VSTM2B: variants seen among roughly 807,000 people sequenced by gnomAD.
The protein encoded by VSTM2B is V-set and transmembrane domain-containing protein 2B.
A neutral mutation model predicts 24.0 loss-of-function variants in VSTM2B; 24 were observed. The ratio of observed to expected loss-of-function variants is 1.00; its 90% CI spans 0.72 to 1.40. The LOEUF (loss-of-function observed/expected upper bound fraction) is 1.40. Ranked by LOEUF, VSTM2B falls within the 40% of genes most tolerant of loss-of-function variation. The probability of loss-of-function intolerance (pLI) is 0.00; values close to 1 mark genes in which losing one functional copy is unlikely to be tolerated. For missense variants in VSTM2B, 399 were observed against 416.4 expected (o/e 0.96, Z 0.36); for synonymous variants, 226 against 194.4 (o/e 1.16, Z -1.35).
intron 4 of VSTM2B, among the ~76,000 whole-genome samples, chr19:29,558,260 T>A (rs925731184): frequency 6.6e-6 from 1 of 152,166 alleles, no homozygotes. Context: ...ACAGTGTTGG[T>A]GGGAATATAA....
intron 4 of VSTM2B, among the ~76,000 whole-genome samples, chr19:29,548,953 C>G (rs1212855984): frequency 6.6e-6 from 1 of 152,180 alleles, no homozygotes; most frequent in African/African-American, 2.4e-5. Context: ...CACCCTGGGC[C>G]CAGGCTGGTG....
At chr19:29,559,024 T>C (rs1011289874) in intron 4 of VSTM2B, among the ~76,000 whole-genome samples, 7 of 152,134 alleles carry the variant, frequency 4.6e-5, no homozygotes, top group Non-Finnish European at 4.4e-5. Flanking sequence ...GGAGTGTAAA[T>C]TAGCTCAACC....
intron 4 of VSTM2B, among the ~76,000 whole-genome samples, chr19:29,540,689 G>A (rs941301512): frequency 3.3e-5 from 5 of 152,290 alleles, no homozygotes; most frequent in Admixed American, 2.6e-4. Context: ...TGTCCATGGA[G>A]CATTTTTTTA....
Position 29,527,077 on chromosome 19 carries a change from G to C in VSTM2B, c.83-134G>C, listed in dbSNP as rs1038265785. 13 of 800,876 alleles carry C rather than the reference G, an allele frequency of 1.6e-5. 1 individual carries two copies. Among genetic ancestry groups the C allele is most frequent in the Non-Finnish European group, 2.5e-5 (13 of 517,244 alleles). 49.6% of individuals were successfully genotyped at this position (800,876 alleles called of 1,614,324 possible). A position where few individuals can be genotyped will look rare whatever the true frequency, so the allele number is the denominator to read the frequency against. ...TTCCCCGAACTTTGCTAGCCCCTCC[G>C]GCCGTGCGCCAGGGAGCAGCTGCGG... On this transcript the variant is annotated intron_variant, in intron 1 of 4. Coordinates refer to ENST00000335523, the MANE Select transcript of VSTM2B (RefSeq NM_001146339.2).
At chr19:29,552,852 G>A (rs756599529) in intron 4 of VSTM2B, among the ~76,000 whole-genome samples, 1 of 152,178 alleles carries the variant, frequency 6.6e-6, no homozygotes. Flanking sequence ...GCAGATCAAG[G>A]TCAGACTGCC....
At position 29,563,966 on chromosome 19, in the gene VSTM2B, C is replaced by G. The variant is rs113111915; in HGVS notation, c.*32C>G. 2 of 1,536,508 alleles carry G rather than the reference C, an allele frequency of 1.3e-6. No homozygotes were observed. The highest frequency in any genetic ancestry group is 1.8e-6 in the Non-Finnish European group (2 of 1,132,922). On this transcript the variant is annotated 3_prime_UTR_variant, in exon 5 of 5. Coordinates refer to ENST00000335523, the MANE Select transcript of VSTM2B (RefSeq NM_001146339.2). ...AGACCAACCCGAGCATCTCAGAGGC[C>G]GCACATGACCTGCCCGGGGCCCTCG...
intron 4 of VSTM2B, among the ~76,000 whole-genome samples, chr19:29,537,303 C>T (rs1969912289): frequency 6.6e-6 from 1 of 152,172 alleles, no homozygotes; most frequent in African/African-American, 2.4e-5. Context: ...GATGGAGGAT[C>T]CAGTCTGGCC....
At chr19:29,533,274 G>A (rs535951672) in intron 4 of VSTM2B, among the ~76,000 whole-genome samples, 1 of 152,348 alleles carries the variant, frequency 6.6e-6, no homozygotes, top group African/African-American at 2.4e-5. Context: ...CTTCCCTGGA[G>A]GGGCTGATGT....
At position 29,564,204 on chromosome 19, in the gene VSTM2B, A is replaced by G. The variant is rs1568450427; in HGVS notation, c.*270A>G. ...ACTTCAATGTAGTTTTCTTTTCTAC[A>G]CTTTCCCTCCAAGTCTTCATTTTGC... On this transcript the variant is annotated 3_prime_UTR_variant, in exon 5 of 5. Coordinates refer to ENST00000335523, the MANE Select transcript of VSTM2B (RefSeq NM_001146339.2). The G allele has an allele frequency of 5.7e-6, 2 of 350,602 alleles. No homozygotes were observed. The highest frequency in any genetic ancestry group is 1.1e-5 in the Non-Finnish European group (2 of 189,360). 21.7% of individuals were successfully genotyped at this position (350,602 alleles called of 1,614,324 possible). A position where few individuals can be genotyped will look rare whatever the true frequency, so the allele number is the denominator to read the frequency against.
At chr19:29,527,425 G>T (rs1432286238) in intron 2 of VSTM2B, 30 bp downstream of exon 2, 1 of 1,439,648 alleles carries the variant, frequency 6.9e-7, no homozygotes, top group African/African-American at 1.5e-5. Flanking sequence ...GTACCGGCGC[G>T]CGCCCGGCTC....
intron 4 of VSTM2B, among the ~76,000 whole-genome samples, chr19:29,537,739 G>A (rs141653745): frequency 0.016 from 1,737 of 106,802 alleles, 34 homozygotes; most frequent in South Asian, 0.025. Flanking sequence ...CTACTCTCCC[G>A]CACCCACCTA....
At chr19:29,550,404 C>A (rs1158358317) in intron 4 of VSTM2B, among the ~76,000 whole-genome samples, 2 of 152,174 alleles carry the variant, frequency 1.3e-5, no homozygotes, top group South Asian at 2.1e-4. Context: ...TGTACTCCAG[C>A]CTGGGTGACA....
chr19:29,530,414 C>T, intron 4 of VSTM2B, 124 bp downstream of exon 4: 1 of 838,678 alleles, frequency 1.2e-6, no homozygotes, highest in Non-Finnish European at 1.7e-6. Flanking sequence ...ATGCATACTC[C>T]TTCCTAGTTA....
intron 4 of VSTM2B, among the ~76,000 whole-genome samples, chr19:29,540,178 G>C (rs945884329): frequency 5.3e-5 from 8 of 152,256 alleles, no homozygotes; most frequent in Non-Finnish European, 7.3e-5. Context: ...AGTCCGAGTG[G>C]GGGGTGGGGA....
rs369856817 is a variant in VSTM2B at position 29,530,254 on chromosome 19, G to C, written c.733G>C (p.Gly245Arg). 6.7e-7 allele frequency: 1 copy of C among 1,503,450 alleles called. No individual in the cohort carries two copies. The highest frequency in any genetic ancestry group is 2.8e-5 in the East Asian group (1 of 36,228). The allele number at this position is 1,503,450 out of a possible 1,614,324, so 93.1% of individuals were successfully genotyped here. ...AAASSASPPSGQAVLLRQRHG... is the reference protein window; with the variant it reads ...AAASSASPPSRQAVLLRQRHG... ...TGCCTCGTCAGCGTCGCCGCCATCG[G>C]GACAGGCGGTCCTGCTGCGCCAGAG... The change falls in exon 4 of 5, where the codon GGA becomes CGA. Residue 245 changes from glycine (G) to arginine (R), a missense_variant. Coordinates refer to ENST00000335523, the MANE Select transcript of VSTM2B (RefSeq NM_001146339.2).
At position 29,526,565 on chromosome 19, in the gene VSTM2B, A is replaced by G. The variant is rs1203671773; in HGVS notation, c.-19A>G. 7 of 1,496,268 alleles carry G rather than the reference A, an allele frequency of 4.7e-6. No individual in the cohort carries two copies. Among genetic ancestry groups the G allele is most frequent in the Non-Finnish European group, 6.2e-6 (7 of 1,127,808 alleles). 92.7% of individuals were successfully genotyped at this position (1,496,268 alleles called of 1,614,324 possible). ...TCTCCGCTCCCGGGCCCCCGCCGCCACCGCGCCCCCCGCGGGAGATGGAAC... is the reference window on the plus strand; with the variant it reads ...TCTCCGCTCCCGGGCCCCCGCCGCCGCCGCGCCCCCCGCGGGAGATGGAAC... On this transcript the variant is annotated 5_prime_UTR_variant, in exon 1 of 5. Coordinates refer to ENST00000335523, the MANE Select transcript of VSTM2B (RefSeq NM_001146339.2). This position sits in a 1 kb window ranked among gnomAD's most constrained non-coding sequence, Gnocchi z 4.1.
At chr19:29,552,689 G>T (rs1970313727) in intron 4 of VSTM2B, among the ~76,000 whole-genome samples, 1 of 152,226 alleles carries the variant, frequency 6.6e-6, no homozygotes, top group South Asian at 2.1e-4. Context: ...TCATCACTGA[G>T]GCTGCCTGCT....
chr19:29,533,418 A>G (rs1273790876), intron 4 of VSTM2B, among the ~76,000 whole-genome samples: 2 of 152,114 alleles, frequency 1.3e-5, no homozygotes, highest in African/African-American at 4.8e-5. Context: ...CTGGCCAGGA[A>G]CTGTGTAGAC....
chr19:29,526,587 G>A lies in VSTM2B; in HGVS notation c.4G>A (p.Glu2Lys), dbSNP rs1969574463. The A allele has an allele frequency of 6.6e-7, 1 of 1,521,632 alleles. No individual in the cohort carries two copies. The highest frequency in any genetic ancestry group is 1.4e-5 in the African/African-American group (1 of 71,294). The allele number at this position is 1,521,632 out of a possible 1,614,324, so 94.3% of individuals were successfully genotyped here. A position where few individuals can be genotyped will look rare whatever the true frequency, so the allele number is the denominator to read the frequency against. Residue 2 changes from glutamate (E) to lysine (K), a missense_variant, in exon 1 of 5, where the codon GAA becomes AAA. By Grantham distance (56) the Glu-to-Lys change is moderately conservative (BLOSUM62 1). Transcript: ENST00000335523. This position sits in a 1 kb window ranked among gnomAD's most constrained non-coding sequence, Gnocchi z 4.1. The part of the protein sequence containing the change: M[E>K]QRNRLGALGY... Reference sequence around the variant, plus strand: ...GCCACCGCGCCCCCCGCGGGAGATGGAACAGCGGAACCGGCTCGGTGCCCT... The same window carrying A: ...GCCACCGCGCCCCCCGCGGGAGATGAAACAGCGGAACCGGCTCGGTGCCCT...
Sources: gnomAD v4.1 joint callset for allele counts (sites outside exome capture counted in the v4.1 genomes callset) on GRCh38, gnomAD v4.1.1 for gene constraint, Gnocchi (gnomAD v3.1) non-coding constraint, MANE v1.5 for transcripts, NCBI Gene and HGNC (gene_info 2026-07-23, HGNC 2026-07-21) for gene names.